The following PTPRT variants were observed in gnomAD, a reference collection of about 807,000 sequenced individuals.
PTPRT encodes the protein protein tyrosine phosphatase receptor type T.
A neutral mutation model predicts 176.8 loss-of-function variants in PTPRT; 56 were observed. The ratio of observed to expected loss-of-function variants is 0.32; its 90% CI spans 0.26 to 0.40. PTPRT has a LOEUF of 0.40. Among genes scored for constraint, PTPRT ranks in the 10% least tolerant of loss-of-function variants. The pLI is 1.00. For synonymous variants in PTPRT, 783 were observed against 739.0 expected, an observed-to-expected ratio of 1.06 and a Z score of -0.96; for missense variants, 1,540 against 1,908.2, an observed-to-expected ratio of 0.81 and a Z score of 3.60.
At chr20:42,395,526 C>T (rs564041340) in intron 9 of PTPRT, among the ~76,000 whole-genome samples, 1 of 152,282 alleles carries the variant, frequency 6.6e-6, no homozygotes, top group East Asian at 1.9e-4. Flanking sequence ...CAACTCCCCA[C>T]CTTTTGATCA....
chr20:42,538,008 A>T (rs2072506899), intron 7 of PTPRT, among the ~76,000 whole-genome samples: 1 of 152,176 alleles, frequency 6.6e-6, no homozygotes, highest in South Asian at 2.1e-4. Context: ...TATGTGTCAG[A>T]TATCATTCCA....
At chr20:42,288,459 G>A (rs1344298188) in intron 12 of PTPRT, among the ~76,000 whole-genome samples, 1 of 151,918 alleles carries the variant, frequency 6.6e-6, no homozygotes, top group Non-Finnish European at 1.5e-5. Flanking sequence ...ATCACCCAAA[G>A]AGTGAACAAA....
rs1220317848 is a variant in PTPRT at position 42,618,640 on chromosome 20, T to C, written c.1153+59226A>G. Reference sequence around the variant, plus strand: ...TGGGTGCTCCTGTATTGGGTGCATATATATTTAGGATAGTTAGCTCTTCTT... The same window carrying C: ...TGGGTGCTCCTGTATTGGGTGCATACATATTTAGGATAGTTAGCTCTTCTT... On this transcript the variant is annotated intron_variant, in intron 7 of 30. Transcript: ENST00000373187. Among the ~76,000 whole-genome samples the C allele has an allele frequency of 1.2e-4, 16 of 128,908 alleles. 1 individual carries two copies. Among genetic ancestry groups the C allele is most frequent in the African/African-American group, 5.4e-4 (15 of 28,026 alleles). 84.6% of individuals were successfully genotyped at this position (128,908 alleles called of 152,430 possible).
chr20:42,525,900 T>C (rs746398338), intron 7 of PTPRT, among the ~76,000 whole-genome samples: 9 of 152,352 alleles, frequency 5.9e-5, no homozygotes, highest in East Asian at 3.9e-4. Flanking sequence ...CCTGTACTTA[T>C]ATGTGAATGG....
chr20:42,105,214 T>C (rs531670534), intron 24 of PTPRT, among the ~76,000 whole-genome samples: 104 of 152,334 alleles, frequency 6.8e-4, no homozygotes, highest in African/African-American at 2.4e-3. Flanking sequence ...GCCAGCAGAA[T>C]TGGGTTCCAG....
At position 42,836,383 on chromosome 20, in the gene PTPRT, CT is replaced by C. The variant is rs539347218; in HGVS notation, c.215-44918del. Among the ~76,000 whole-genome samples, 35 of 152,304 alleles carry C rather than the reference CT, an allele frequency of 2.3e-4. No individual in the cohort carries two copies. The South Asian group carries it at 7.0e-3, about 31-fold the overall frequency. ...TCAGTGCCACCACCTGGTCTGTGTA[CT>C]TCCAGCTGTTGAATAAATGGCAACC... is the stretch of plus-strand genomic sequence containing the variant. On this transcript the variant is annotated intron_variant, in intron 2 of 30. Transcript: ENST00000373187.
At chr20:42,943,137 C>T (rs1410999690) in intron 1 of PTPRT, among the ~76,000 whole-genome samples, 1 of 152,184 alleles carries the variant, frequency 6.6e-6, no homozygotes, top group African/African-American at 2.4e-5. Context: ...GGGTTCACAC[C>T]TCAGCTAAGA....
chr20:42,219,507 G>C (rs2055837206), intron 15 of PTPRT, among the ~76,000 whole-genome samples: 1 of 152,184 alleles, frequency 6.6e-6, no homozygotes, highest in Non-Finnish European at 1.5e-5. Flanking sequence ...ACCTGACCCA[G>C]TGTTAGATAA....
chr20:42,222,431 G>A (rs1340404854), intron 15 of PTPRT, among the ~76,000 whole-genome samples: 1 of 152,142 alleles, frequency 6.6e-6, no homozygotes, highest in Non-Finnish European at 1.5e-5. Flanking sequence ...TAGGGCCCAG[G>A]GGAAGGCCTC....
At chr20:42,342,564 C>T (rs1419111976) in intron 11 of PTPRT, among the ~76,000 whole-genome samples, 2 of 152,140 alleles carry the variant, frequency 1.3e-5, no homozygotes, top group African/African-American at 4.8e-5. Flanking sequence ...TACAGTTTCT[C>T]ATCTTTCCCA....
chr20:42,905,874 A>C (rs2079469611), intron 1 of PTPRT, among the ~76,000 whole-genome samples: 1 of 126,294 alleles, frequency 7.9e-6, no homozygotes. Flanking sequence ...CAATGAGATC[A>C]TTTGGACACA....
chr20:43,159,834 C>T (rs557079620), intron 1 of PTPRT, among the ~76,000 whole-genome samples: 2 of 151,952 alleles, frequency 1.3e-5, no homozygotes, highest in South Asian at 2.1e-4. Context: ...CGCTGTTTTT[C>T]GCCCCGACCA....
intron 7 of PTPRT, among the ~76,000 whole-genome samples, chr20:42,639,165 TCA>T (rs2074678908): frequency 6.6e-6 from 1 of 152,228 alleles, no homozygotes. Flanking sequence ...CCTATTTTAG[TCA>T]CAATACAATT....
rs186766840 is a variant in PTPRT, at chr20:42,223,028, A to G, written c.2342+13201T>C. ...GGTGTCCGCTGCTTGATGTGTGGGGAAAACATCCCATACATTTGGTCACAG... is the reference window on the plus strand; with the variant it reads ...GGTGTCCGCTGCTTGATGTGTGGGGGAAACATCCCATACATTTGGTCACAG... On this transcript the variant is annotated intron_variant, in intron 15 of 30. Transcript: ENST00000373187. 3.8e-3 allele frequency among the ~76,000 whole-genome samples: 577 copies of G among 152,260 alleles called. 2 individuals carry two copies. Among genetic ancestry groups the G allele is most frequent in the Middle Eastern group, 0.014 (4 of 294 alleles).
chr20:42,474,701 G>A (rs957828622), intron 7 of PTPRT, among the ~76,000 whole-genome samples: 2 of 152,150 alleles, frequency 1.3e-5, no homozygotes, highest in South Asian at 4.1e-4. Context: ...TAAACATCTC[G>A]CAGTTGTACC....
chr20:42,085,658 T>C (rs1983813751), intron 28 of PTPRT, 70 bp downstream of exon 28: 2 of 1,593,404 alleles, frequency 1.3e-6, no homozygotes, highest in African/African-American at 2.7e-5. Context: ...CTCAGCGGGA[T>C]CCTCTCTCGG....
rs377307459 is a variant in PTPRT, at chr20:42,199,255, C to A, written c.2476G>T (p.Asp826Tyr). The A allele has an allele frequency of 2.5e-6, 4 of 1,614,114 alleles. No homozygotes were observed. The highest frequency in any genetic ancestry group is 3.4e-6 in the Non-Finnish European group (4 of 1,179,990). ...CTCTACTTACTGAATCCGTTGACGTCCTGAGAACTAGAAGAGAAGCCTTCA... is the reference window on the plus strand; with the variant it reads ...CTCTACTTACTGAATCCGTTGACGTACTGAGAACTAGAAGAGAAGCCTTCA... The part of the protein sequence containing the change: ...NDEGFSSSSQ[D>Y]VNGFTDGSRG... Residue 826 changes from aspartate (D) to tyrosine (Y), a missense_variant, in exon 16 of 31, where the codon GAC becomes TAC. Transcript: ENST00000373187.
At chr20:42,279,484 A>G (rs1238078656) in intron 13 of PTPRT, among the ~76,000 whole-genome samples, 3 of 152,202 alleles carry the variant, frequency 2.0e-5, no homozygotes, top group Non-Finnish European at 4.4e-5. Context: ...AGGTCTGCAG[A>G]CACCTTGATT....
chr20:42,316,960 C>G lies in PTPRT; in HGVS notation c.1866-964G>C, dbSNP rs540470712. ...ATATCATGAGATGGGACTACTCTTTCACTGGCTAGATTGTGACCTTTTACA... is the reference window on the plus strand; with the variant it reads ...ATATCATGAGATGGGACTACTCTTTGACTGGCTAGATTGTGACCTTTTACA... On this transcript the variant is annotated intron_variant, in intron 11 of 30. Coordinates refer to ENST00000373187, the MANE Select transcript of PTPRT (RefSeq NM_007050.6). Among the ~76,000 whole-genome samples, 3 of 152,280 alleles carry G rather than the reference C, an allele frequency of 2.0e-5. No individual in the cohort carries two copies. The East Asian group carries it at 5.8e-4, about 29-fold the overall frequency.
Sources: gnomAD v4.1 joint callset for allele counts (sites outside exome capture counted in the v4.1 genomes callset) on GRCh38, gnomAD v4.1.1 for gene constraint, MANE v1.5 for transcripts, NCBI Gene and HGNC (gene_info 2026-07-23, HGNC 2026-07-21) for gene names.